The following THRA variants were observed in gnomAD, a reference collection of about 807,000 sequenced individuals.
The protein encoded by THRA is thyroid hormone receptor alpha, also known as EAR-7.
A neutral mutation model predicts 45.0 loss-of-function variants in THRA; 13 were observed. The ratio of observed to expected loss-of-function variants is 0.29; its 90% CI spans 0.19 to 0.46. THRA has a LOEUF of 0.46. THRA is among the 20% of genes least tolerant of loss of function. The pLI, the probability that THRA is intolerant of heterozygous loss-of-function variation, is 1.00. For missense variants in THRA, 278 were observed against 556.1 expected, an observed-to-expected ratio of 0.50 and a Z score of 5.03; for synonymous variants, 195 against 214.0, an observed-to-expected ratio of 0.91 and a Z score of 0.78.
At position 40,091,498 on chromosome 17, in the gene THRA, C is replaced by T. The variant is rs1481680085; in HGVS notation, c.*2042C>T. On this transcript the variant is annotated 3_prime_UTR_variant, in exon 9 of 9. Transcript: ENST00000450525. Reference sequence around the variant, plus strand: ...GTACTGAATCCTGTATTACTCCAGTCCCATGGGTAGGCCCTCTTGTACCTT... The same window carrying T: ...GTACTGAATCCTGTATTACTCCAGTTCCATGGGTAGGCCCTCTTGTACCTT... The T allele has an allele frequency of 6.6e-6, 1 of 152,326 alleles. No individual in the cohort carries two copies. The highest frequency in any genetic ancestry group is 1.5e-5 in the Non-Finnish European group (1 of 68,170). The allele number at this position is 152,326 out of a possible 1,614,324, so 9.4% of individuals were successfully genotyped here.
intron 2 of THRA, among the ~76,000 whole-genome samples, chr17:40,075,840 C>A (rs1156713892): frequency 1.3e-5 from 2 of 152,202 alleles, no homozygotes; most frequent in African/African-American, 4.8e-5. Flanking sequence ...ACCTTTCAGC[C>A]TCATAGGAAG....
intron 1 of THRA, among the ~76,000 whole-genome samples, chr17:40,065,033 G>T (rs182612473): frequency 8.0e-4 from 119 of 147,884 alleles, no homozygotes; most frequent in African/African-American, 2.8e-3. Flanking sequence ...CAGCCACTGT[G>T]CGGGAATGGG....
chr17:40,072,737 C>T (rs534008480), intron 1 of THRA, among the ~76,000 whole-genome samples: 2 of 152,264 alleles, frequency 1.3e-5, no homozygotes, highest in South Asian at 4.1e-4. Flanking sequence ...AGTGCCCAGC[C>T]CCTGGGCTTC....
rs1439821024 is a variant in THRA at position 40,092,248 on chromosome 17, A to T, written c.*2792A>T. On this transcript the variant is annotated 3_prime_UTR_variant, in exon 9 of 9. Coordinates refer to ENST00000450525, the MANE Select transcript of THRA (RefSeq NM_199334.5). Reference sequence around the variant, plus strand: ...GGTGGCGGGTCTGCAGGGCTGGGAGAGGGCAGGGCGTTGTGAGAGAGAGAC... The same window carrying T: ...GGTGGCGGGTCTGCAGGGCTGGGAGTGGGCAGGGCGTTGTGAGAGAGAGAC... The T allele has an allele frequency of 6.9e-6, 1 of 144,420 alleles. No individual in the cohort carries two copies. Among genetic ancestry groups the T allele is most frequent in the African/African-American group, 2.5e-5 (1 of 39,292 alleles). The allele number at this position is 144,420 out of a possible 1,614,324, so 8.9% of individuals were successfully genotyped here. A position where few individuals can be genotyped will look rare whatever the true frequency, so the allele number is the denominator to read the frequency against.
At chr17:40,064,776 C>T (rs1986492440) in intron 1 of THRA, among the ~76,000 whole-genome samples, 1 of 152,194 alleles carries the variant, frequency 6.6e-6, no homozygotes, top group Non-Finnish European at 1.5e-5. Context: ...TCTGTAAATA[C>T]TTGTTAGTTG....
rs2145093214 is a variant in THRA, at chr17:40,091,914, G to A, written c.*2458G>A. 6.6e-6 allele frequency: 1 copy of A among 152,504 alleles called. No homozygotes were observed. The highest frequency in any genetic ancestry group is 2.4e-5 in the African/African-American group (1 of 41,542). The allele number at this position is 152,504 out of a possible 1,614,324, so 9.4% of individuals were successfully genotyped here. On this transcript the variant is annotated 3_prime_UTR_variant, in exon 9 of 9. Transcript: ENST00000450525. ...CAGGGCCCTCTCCTGGGGGCCATTGGTGCTAATGAGGGGGATGGCCTTGAT... is the reference window on the plus strand; with the variant it reads ...CAGGGCCCTCTCCTGGGGGCCATTGATGCTAATGAGGGGGATGGCCTTGAT...
At chr17:40,077,417 CAA>C (rs1986992475) in intron 3 of THRA, 89 bp from the exon 4 acceptor site, 1 of 1,235,306 alleles carries the variant, frequency 8.1e-7, no homozygotes, top group African/African-American at 1.5e-5. Context: ...GGGTCAGAAA[CAA>C]AAAGTTGAGG....
chr17:40,065,465 C>G (rs1986520520), intron 1 of THRA, among the ~76,000 whole-genome samples: 1 of 152,154 alleles, frequency 6.6e-6, no homozygotes, highest in African/African-American at 2.4e-5. Flanking sequence ...GTTGCTCTGT[C>G]TTGCAGTGTC....
downstream of THRA, chr17:40,093,852 G>A (rs1032863019): frequency 6.8e-7 from 1 of 1,476,230 alleles, no homozygotes. The surrounding 1 kb of genome is among the most constrained non-coding windows in gnomAD (Gnocchi z 5.9). Context: ...CTCCATAAAA[G>A]GTGTGTTGAA....
In THRA at chr17:40,088,358, G is replaced by A. The variant is rs1303519028; in HGVS notation, c.840G>A (p.Met280Ile). ...ESDTLTLSGE[M>I]AVKREQLKNG... ...ACACCCTGACGCTGAGTGGGGAGAT[G>A]GCTGTCAAGCGGGAGCAGCTCAAGA... is the stretch of plus-strand genomic sequence containing the variant. The change falls in exon 8 of 9, where the codon ATG (methionine) becomes ATA (isoleucine). Residue 280 changes from methionine (M) to isoleucine (I), a missense_variant. By Grantham distance (10) the Met-to-Ile change is conservative. Transcript: ENST00000450525. The A allele has an allele frequency of 3.1e-6, 5 of 1,614,050 alleles. No homozygotes were observed. Among genetic ancestry groups the A allele is most frequent in the Non-Finnish European group, 4.2e-6 (5 of 1,180,002 alleles).
chr17:40,080,464 C>G (rs2145067521), intron 4 of THRA, among the ~76,000 whole-genome samples: 1 of 152,094 alleles, frequency 6.6e-6, no homozygotes, highest in East Asian at 1.9e-4. Context: ...TGAAGTTTCT[C>G]TCTCTTTCTT....
chr17:40,067,479 G>A (rs1004523286), intron 1 of THRA, among the ~76,000 whole-genome samples: 9 of 152,214 alleles, frequency 5.9e-5, no homozygotes, highest in Non-Finnish European at 1.3e-4. Context: ...TCCATGGAGT[G>A]GTACTTAGTG....
chr17:40,088,596 C>G (rs1987417532), intron 8 of THRA, 96 bp downstream of exon 8: 1 of 1,459,492 alleles, frequency 6.9e-7, no homozygotes, highest in Admixed American at 2.0e-5. Flanking sequence ...CCTGAATCTT[C>G]TTCTGGGCTA....
At chr17:40,086,642 A>G in intron 6 of THRA, 65 bp from the exon 7 acceptor site, 1 of 1,573,950 alleles carries the variant, frequency 6.4e-7, no homozygotes. Context: ...CCTGGTGGGC[A>G]GGGAGCCTCA....
Position 40,089,394 on chromosome 17 carries a change from G to A in THRA, c.1171G>A (p.Glu391Lys), listed in dbSNP as rs1348934178. ...CAGCCGCTTCCTCCACATGAAAGTC[G>A]AGTGCCCCACCGAACTCTTCCCCCC... ...HASRFLHMKVECPTELFPPLF... is the reference protein window; with the variant it reads ...HASRFLHMKVKCPTELFPPLF... The change falls in exon 9 of 9, where the codon GAG becomes AAG. Residue 391 changes from glutamate to lysine, a missense_variant. Glu to Lys is a moderately conservative substitution (Grantham distance 56, BLOSUM62 1). Around this residue, in one of 6 missense-constraint regions of THRA, gnomAD observed 14 missense variants for 56.3 expected, o/e 0.25. Transcript: ENST00000450525. This position sits in a 1 kb window ranked among gnomAD's most constrained non-coding sequence, Gnocchi z 6.1. 2 of 1,613,948 alleles carry A rather than the reference G, an allele frequency of 1.2e-6. No homozygotes were observed. The highest frequency in any genetic ancestry group is 1.3e-5 in the African/African-American group (1 of 74,884).
chr17:40,066,406 G>A (rs902268172), intron 1 of THRA, among the ~76,000 whole-genome samples: 2 of 152,098 alleles, frequency 1.3e-5, no homozygotes, highest in African/African-American at 4.8e-5. Context: ...GCTCACACCC[G>A]TAATCCTAGC....
chr17:40,087,344 A>G (rs1987363843), intron 7 of THRA, among the ~76,000 whole-genome samples: 1 of 150,040 alleles, frequency 6.7e-6, no homozygotes, highest in Non-Finnish European at 1.5e-5. Flanking sequence ...CACCTAGCAC[A>G]CAGACACACA....
chr17:40,072,927 C>T (rs1244916323), intron 1 of THRA, among the ~76,000 whole-genome samples: 2 of 152,228 alleles, frequency 1.3e-5, no homozygotes, highest in Non-Finnish European at 2.9e-5. Flanking sequence ...GCCCCCAGTG[C>T]CCAGTCCTGG....
intron 1 of THRA, among the ~76,000 whole-genome samples, chr17:40,067,617 C>T (rs1295952726): frequency 5.3e-5 from 8 of 152,226 alleles, no homozygotes; most frequent in Non-Finnish European, 1.2e-4. Context: ...TCAGGATCCC[C>T]TCTCCAAACC....
Sources: allele counts gnomAD v4.1 joint callset (sites outside exome capture counted in the v4.1 genomes callset), GRCh38; gene constraint gnomAD v4.1.1; regional missense constraint gnomAD v4.1.1; non-coding constraint Gnocchi (gnomAD v3.1); transcripts MANE v1.5; gene names NCBI Gene and HGNC (gene_info 2026-07-23, HGNC 2026-07-21).